TYMS: variants seen among roughly 807,000 people sequenced by gnomAD.
The protein encoded by TYMS is thymidylate synthase.
In TYMS, 21 loss-of-function variants were observed where a neutral mutation model predicts 39.3. The observed-to-expected ratio is 0.54, with a 90% CI of 0.38 to 0.77. TYMS has a LOEUF of 0.77. TYMS is among the 30% of genes least tolerant of loss of function. The pLI, the probability that TYMS is intolerant of heterozygous loss-of-function variation, is 0.00. For missense variants in TYMS, 273 were observed against 406.7 expected (o/e 0.67, Z 2.83); for synonymous variants, 171 against 162.2 (o/e 1.05, Z -0.41).
At position 669,057 on chromosome 18, in the gene TYMS, T is replaced by C; in HGVS notation, c.455-15T>C. 1 of 1,609,356 alleles carries C rather than the reference T, an allele frequency of 6.2e-7. No homozygotes were observed. On this transcript the variant is annotated splice_polypyrimidine_tract_variant and intron_variant, in intron 3 of 6. Coordinates refer to ENST00000323274, the MANE Select transcript of TYMS (RefSeq NM_001071.4). Reference sequence around the variant, plus strand: ...TAATGTATGTACCTGTCCTCTCTTTTTGACAATTCTACAGATTATTCAGGA... The same window carrying C: ...TAATGTATGTACCTGTCCTCTCTTTCTGACAATTCTACAGATTATTCAGGA...
chr18:668,888 TCA>T (rs1191262856), intron 3 of TYMS, among the ~76,000 whole-genome samples, 182 bp from the exon 4 acceptor site: 2 of 148,994 alleles, frequency 1.3e-5, no homozygotes, highest in Non-Finnish European at 1.5e-5. Context: ...GAGCCAGGAG[TCA>T]GACAGGGCCT....
In TYMS at chr18:657,787, C is replaced by A. The variant is rs757363695; in HGVS notation, c.45C>A (p.Pro15=). The change falls in exon 1 of 7, where the codon CCC becomes CCA. Residue 15 remains proline (P), a synonymous_variant. Coordinates refer to ENST00000323274, the MANE Select transcript of TYMS (RefSeq NM_001071.4). The part of the protein sequence containing the change: ...GSELPRRPLP[P]AAQERDAEPR... ...AGCTGCCGCGCCGGCCCTTGCCCCC[C>A]GCCGCACAGGAGCGGGACGCCGAGC... The A allele has an allele frequency of 6.2e-5, 90 of 1,454,748 alleles. No homozygotes were observed. Among genetic ancestry groups the A allele is most frequent in the Admixed American group, 6.1e-4 (22 of 35,790 alleles). The allele number at this position is 1,454,748 out of a possible 1,614,324, so 90.1% of individuals were successfully genotyped here.
rs759853185 is a variant in TYMS at position 672,963 on chromosome 18, C to T, written c.908C>T (p.Pro303Leu). Residue 303 changes from proline (P) to leucine (L), a missense_variant, in exon 7 of 7, where the codon CCG becomes CTG. Transcript: ENST00000323274. ...GACTTTCAGATTGAAGGGTACAATC[C>T]GCATCCAACTATTAAAATGGAAATG... ...AEDFQIEGYN[P>L]HPTIKMEMAV 12 of 1,577,012 alleles carry T rather than the reference C, an allele frequency of 7.6e-6. No homozygotes were observed. The highest frequency in any genetic ancestry group is 2.3e-5 in the East Asian group (1 of 44,284).
chr18:670,671 C>T, intron 4 of TYMS, 21 bp from the exon 5 acceptor site: 1 of 1,612,222 alleles, frequency 6.2e-7, no homozygotes, highest in Non-Finnish European at 8.5e-7. Context: ...CCCTCCTTAT[C>T]TTCCTCTGCT....
rs188538385 is a variant in TYMS, at chr18:658,909, A to C, written c.206-732A>C. On this transcript the variant is annotated intron_variant, in intron 1 of 6. Coordinates refer to ENST00000323274, the MANE Select transcript of TYMS (RefSeq NM_001071.4). The surrounding 1 kb of genome is among the most constrained non-coding windows in gnomAD (Gnocchi z 4.5). Reference sequence around the variant, plus strand: ...GGCCCACGGACCCATCTAGAGACGAATACATAGCAGCTGCTGTGGCTGATT... The same window carrying C: ...GGCCCACGGACCCATCTAGAGACGACTACATAGCAGCTGCTGTGGCTGATT... 4.9e-4 allele frequency among the ~76,000 whole-genome samples: 74 copies of C among 152,320 alleles called. No individual in the cohort carries two copies. In the East Asian group the frequency reaches 0.013, roughly 26 times the overall value.
chr18:658,445 C>A lies in TYMS; in HGVS notation c.205+498C>A, dbSNP rs1245840625. 4 of 845,592 alleles carry A rather than the reference C, an allele frequency of 4.7e-6. 1 individual carries two copies. The highest frequency in any genetic ancestry group is 6.4e-6 in the Non-Finnish European group (4 of 626,620). The allele number at this position is 845,592 out of a possible 1,614,324, so 52.4% of individuals were successfully genotyped here. On this transcript the variant is annotated intron_variant, in intron 1 of 6. Coordinates refer to ENST00000323274, the MANE Select transcript of TYMS (RefSeq NM_001071.4). The surrounding 1 kb of genome is among the most constrained non-coding windows in gnomAD (Gnocchi z 4.5). ...GGGAAGAGGAGAGCACTGAAGCTGG[C>A]GCGGGAACTTGGTTTCCTGGTGGCC...
chr18:666,515 A>T (rs2074818905), intron 3 of TYMS, among the ~76,000 whole-genome samples: 1 of 152,110 alleles, frequency 6.6e-6, no homozygotes, highest in South Asian at 2.1e-4. Flanking sequence ...GTCCCTAGGA[A>T]AAGCAGATGC....
Position 657,735 on chromosome 18 carries a change from G to A in TYMS, c.-8G>A. On this transcript the variant is annotated 5_prime_UTR_variant, in exon 1 of 7. Coordinates refer to ENST00000323274, the MANE Select transcript of TYMS (RefSeq NM_001071.4). ...CTTCGCCTGCCTCCGTCCCCCGCCC[G>A]CCGCGCCATGCCTGTGGCCGGCTCG... 2 of 1,334,612 alleles carry A rather than the reference G, an allele frequency of 1.5e-6. No individual in the cohort carries two copies. Among genetic ancestry groups the A allele is most frequent in the East Asian group, 3.2e-5 (1 of 31,314 alleles). 82.7% of individuals were successfully genotyped at this position (1,334,612 alleles called of 1,614,324 possible). A position where few individuals can be genotyped will look rare whatever the true frequency, so the allele number is the denominator to read the frequency against.
chr18:659,643 G>T lies in TYMS; in HGVS notation c.208G>T (p.Glu70Ter). ...GMQARYSLRD[E>*]FPLLTTKRVF... ...CCGTATGGCAAATTGTTTTTCAGATGAATTCCCTCTGCTGACAACCAAACG... is the reference window on the plus strand; with the variant it reads ...CCGTATGGCAAATTGTTTTTCAGATTAATTCCCTCTGCTGACAACCAAACG... The change falls in exon 2 of 7, where the codon GAA becomes TAA. Residue 70 changes from glutamate to a stop codon, truncating the protein, a stop_gained and splice_region_variant. Transcript: ENST00000323274. LOFTEE classifies it high-confidence loss of function. 2 of 1,614,046 alleles carry T rather than the reference G, an allele frequency of 1.2e-6. No homozygotes were observed. The highest frequency in any genetic ancestry group is 1.7e-6 in the Non-Finnish European group (2 of 1,179,882).
chr18:664,573 A>C (rs2144278677), intron 3 of TYMS, among the ~76,000 whole-genome samples: 1 of 134,144 alleles, frequency 7.5e-6, no homozygotes, highest in African/African-American at 3.1e-5. Flanking sequence ...GAGTGGTGAG[A>C]GAGGGCATCC....
In TYMS at chr18:658,649, G is replaced by T; in HGVS notation, c.205+702G>T. On this transcript the variant is annotated intron_variant, in intron 1 of 6. Transcript: ENST00000323274. The surrounding 1 kb of genome is among the most constrained non-coding windows in gnomAD (Gnocchi z 4.5). ...TTCAGGGGACAGTGGGGCGGGGCGG[G>T]GTGGGCACAGGACGTTAGGCAGCCG... 3.7e-6 allele frequency: 1 copy of T among 273,098 alleles called. No individual in the cohort carries two copies. Among genetic ancestry groups the T allele is most frequent in the Non-Finnish European group, 7.1e-6 (1 of 140,712 alleles). 16.9% of individuals were successfully genotyped at this position (273,098 alleles called of 1,614,324 possible).
At chr18:671,078 GTTGT>G (rs1178376543) in intron 5 of TYMS, 4 of 639,426 alleles carry the variant, frequency 6.3e-6, no homozygotes, top group East Asian at 2.8e-5. Context: ...ATCTATACAG[GTTGT>G]TTGTGATACA....
At chr18:668,407 C>CCAT (rs1364681076) in intron 3 of TYMS, among the ~76,000 whole-genome samples, 6 of 152,142 alleles carry the variant, frequency 3.9e-5, no homozygotes, top group African/African-American at 1.4e-4. Context: ...GCTTCCAGTT[C>CCAT]CATCTCAGAA....
intron 4 of TYMS, 32 bp from the exon 5 acceptor site, chr18:670,660 T>TC: frequency 3.7e-6 from 6 of 1,609,218 alleles, no homozygotes; most frequent in Non-Finnish European, 5.1e-6. Context: ...CAAACCACCA[T>TC]CCCTCCTTAT....
At chr18:662,834 G>T (rs868291561) in intron 3 of TYMS, among the ~76,000 whole-genome samples, 1 of 150,120 alleles carries the variant, frequency 6.7e-6, no homozygotes, top group African/African-American at 2.5e-5. Context: ...TCCCTACAAA[G>T]GACATGAACT....
Position 658,382 on chromosome 18 carries a change from A to C in TYMS, c.205+435A>C, listed in dbSNP as rs2074716676. The stretch of plus-strand genomic sequence containing the variant: ...CATTCCGCTTCGCAGCGTTTTCAAA[A>C]ACTGGAGCGAAAGTGATGTGGGCGG... On this transcript the variant is annotated intron_variant, in intron 1 of 6. Transcript: ENST00000323274. The surrounding 1 kb of genome is among the most constrained non-coding windows in gnomAD (Gnocchi z 4.5). 1.6e-6 allele frequency: 2 copies of C among 1,263,096 alleles called. No individual in the cohort carries two copies. Among genetic ancestry groups the C allele is most frequent in the Non-Finnish European group, 2.1e-6 (2 of 972,104 alleles). The allele number at this position is 1,263,096 out of a possible 1,614,324, so 78.2% of individuals were successfully genotyped here.
chr18:664,454 C>T (rs2074787258), intron 3 of TYMS, among the ~76,000 whole-genome samples: 1 of 143,618 alleles, frequency 7.0e-6, no homozygotes, highest in Non-Finnish European at 1.5e-5. Flanking sequence ...ACAATCATGT[C>T]GTCTGCAAAC....
At chr18:670,386 A>G (rs946609418) in intron 4 of TYMS, 18 of 262,162 alleles carry the variant, frequency 6.9e-5, no homozygotes, top group Admixed American at 3.4e-4. Context: ...CCTGTGGCAA[A>G]CAGAATTATT....
intron 6 of TYMS, 195 bp from the exon 7 acceptor site, chr18:672,663 ACT>A (rs2075117209): frequency 2.2e-6 from 1 of 446,910 alleles, no homozygotes; most frequent in African/African-American, 2.0e-5. Context: ...AATACCCCTC[ACT>A]CTCGATCTGT....
Sources: gnomAD v4.1 joint callset for allele counts (sites outside exome capture counted in the v4.1 genomes callset) on GRCh38, gnomAD v4.1.1 for gene constraint, Gnocchi (gnomAD v3.1) non-coding constraint, MANE v1.5 for transcripts, NCBI Gene and HGNC (gene_info 2026-07-23, HGNC 2026-07-21) for gene names.